MFN1: variants seen among roughly 807,000 people sequenced by gnomAD.
MFN1 encodes the protein mitofusin-1.
Under a neutral mutation model 92.4 loss-of-function variants are expected in MFN1, and 65 were observed. The observed-to-expected ratio is 0.70, with a 90% CI of 0.58 to 0.86. The LOEUF is 0.86. MFN1 is among the 40% of genes least tolerant of loss of function. The pLI, the probability that MFN1 is intolerant of heterozygous loss-of-function variation, is 0.00. For missense variants in MFN1, 781 were observed against 868.0 expected (o/e 0.90, Z 1.26); for synonymous variants, 297 against 300.9 (o/e 0.99, Z 0.13).
In MFN1 at chr3:179,392,716, TTA is replaced by T. The variant is rs1713955771; in HGVS notation, c.*659_*660del. ...AGAAACATTTTCAGCTTTGCTCCCATTATGATTCCAATAAGGAACGCTTTCCT... is the reference window on the plus strand; with the variant it reads ...AGAAACATTTTCAGCTTTGCTCCCATTGATTCCAATAAGGAACGCTTTCCT... On this transcript the variant is annotated 3_prime_UTR_variant, in exon 18 of 18. Transcript: ENST00000471841. 1 of 152,236 alleles carries T rather than the reference TTA, an allele frequency of 6.6e-6. No homozygotes were observed. Among genetic ancestry groups the T allele is most frequent in the African/African-American group, 2.4e-5 (1 of 41,476 alleles). The allele number at this position is 152,236 out of a possible 1,614,324, so 9.4% of individuals were successfully genotyped here.
rs9884070 is a variant in MFN1, at chr3:179,394,073, C to G, written c.*2014C>G. The G allele has an allele frequency of 0.032, 4,863 of 152,308 alleles. 256 individuals are homozygous for G. The highest frequency in any genetic ancestry group is 0.1 in the African/African-American group (4,346 of 41,528). The allele number at this position is 152,308 out of a possible 1,614,324, so 9.4% of individuals were successfully genotyped here. A position where few individuals can be genotyped will look rare whatever the true frequency, so the allele number is the denominator to read the frequency against. On this transcript the variant is annotated 3_prime_UTR_variant, in exon 18 of 18. Transcript: ENST00000471841. ...ATGTTGTGCAGGCTGGTCTTGAACT[C>G]ACAGACTCAAGTGATCCTTTTACCT...
intron 16 of MFN1, among the ~76,000 whole-genome samples, chr3:179,388,563 G>C (rs900541242): frequency 8.5e-5 from 13 of 152,134 alleles, no homozygotes; most frequent in Non-Finnish European, 1.9e-4. Context: ...TTGAGTTCAA[G>C]ATAACTTCAG....
intron 12 of MFN1, among the ~76,000 whole-genome samples, chr3:179,377,678 A>G (rs536598094): frequency 6.6e-6 from 1 of 152,324 alleles, no homozygotes; most frequent in Admixed American, 6.5e-5. Context: ...TCATGCCTGT[A>G]ATCTCAACAC....
chr3:179,351,151 C>T (rs748597939), intron 2 of MFN1, among the ~76,000 whole-genome samples: 6 of 152,150 alleles, frequency 3.9e-5, no homozygotes, highest in Non-Finnish European at 7.3e-5. Flanking sequence ...AGAATGTAAA[C>T]ATCAGGTTAT....
rs1712846316 is a variant in MFN1 at position 179,367,575 on chromosome 3, A to G, written c.890A>G (p.Gln297Arg). 1.9e-6 allele frequency: 3 copies of G among 1,610,116 alleles called. No homozygotes were observed. The highest frequency in any genetic ancestry group is 1.7e-5 in the Admixed American group (1 of 58,866). ...EVLSARKQKA[Q>R]GMPESGVALA... ...CTTAGTGCTAGAAAGCAAAAAGCAC[A>G]GGGGATGCCAGAAAGTGGTATGCAT... Residue 297 changes from glutamine to arginine, a missense_variant, in exon 8 of 18, where the codon CAG (glutamine) becomes CGG (arginine). By Grantham distance (43) the Gln-to-Arg change is conservative. Coordinates refer to ENST00000471841, the MANE Select transcript of MFN1 (RefSeq NM_033540.3).
intron 7 of MFN1, among the ~76,000 whole-genome samples, chr3:179,366,928 A>G (rs537685475): frequency 9.5e-4 from 144 of 152,012 alleles, no homozygotes; most frequent in Non-Finnish European, 1.9e-3. Flanking sequence ...TAACTCCCCA[A>G]CCTTAACTTT....
chr3:179,367,983 A>G, intron 8 of MFN1, 53 bp from the exon 9 acceptor site: 1 of 1,209,518 alleles, frequency 8.3e-7, no homozygotes, highest in Non-Finnish European at 1.1e-6. Context: ...AGCCTACCAG[A>G]AAACATATCT....
intron 8 of MFN1, 132 bp from the exon 9 acceptor site, chr3:179,367,904 A>G (rs920106955): frequency 4.4e-6 from 2 of 455,272 alleles, no homozygotes; most frequent in Non-Finnish European, 3.2e-6. Context: ...GCTCTGGGCA[A>G]CAGAGCAAGA....
At chr3:179,380,958 T>C (rs1290333580) in intron 14 of MFN1, among the ~76,000 whole-genome samples, 1 of 152,188 alleles carries the variant, frequency 6.6e-6, no homozygotes, top group Non-Finnish European at 1.5e-5. Context: ...CAAAAAATAA[T>C]ATCTTCAGAG....
At chr3:179,387,174 C>G (rs1048852068) in intron 16 of MFN1, among the ~76,000 whole-genome samples, 12 of 152,082 alleles carry the variant, frequency 7.9e-5, no homozygotes, top group African/African-American at 2.4e-4. Context: ...CCTCCCTCCT[C>G]AAGCCTCCTG....
chr3:179,349,877 C>T lies in MFN1; in HGVS notation c.112+914C>T, dbSNP rs369026100. On this transcript the variant is annotated intron_variant, in intron 2 of 17. Coordinates refer to ENST00000471841, the MANE Select transcript of MFN1 (RefSeq NM_033540.3). ...TAAGATTATGTACCTCTCGGCCAGG[C>T]GCCCTGACTCACACCTGTAATCCCA... 4.7e-4 allele frequency among the ~76,000 whole-genome samples: 72 copies of T among 152,090 alleles called. 1 individual carries two copies. Among genetic ancestry groups the T allele is most frequent in the African/African-American group, 1.4e-3 (58 of 41,496 alleles).
At chr3:179,381,714 T>G (rs1713473654) in intron 14 of MFN1, among the ~76,000 whole-genome samples, 1 of 152,234 alleles carries the variant, frequency 6.6e-6, no homozygotes, top group African/African-American at 2.4e-5. Flanking sequence ...ACACAACCTT[T>G]GTTTCATGCA....
chr3:179,355,008 C>A (rs1404807870), intron 3 of MFN1, among the ~76,000 whole-genome samples: 2 of 151,990 alleles, frequency 1.3e-5, no homozygotes, highest in African/African-American at 4.8e-5. Flanking sequence ...TGTTGGCCAG[C>A]CTGGTCTCGA....
intron 16 of MFN1, among the ~76,000 whole-genome samples, chr3:179,388,427 G>A (rs552303515): frequency 2.6e-5 from 4 of 151,938 alleles, no homozygotes; most frequent in African/African-American, 9.7e-5. Flanking sequence ...AAGTCCACCC[G>A]GTTTCTGCTT....
chr3:179,360,780 A>G (rs1161137207), intron 4 of MFN1, among the ~76,000 whole-genome samples: 1 of 152,130 alleles, frequency 6.6e-6, no homozygotes, highest in African/African-American at 2.4e-5. Context: ...AAATCAGGTA[A>G]CTCAATCTGT....
intron 16 of MFN1, 68 bp downstream of exon 16, chr3:179,386,697 C>A: frequency 2.2e-6 from 3 of 1,389,388 alleles, no homozygotes; most frequent in East Asian, 2.3e-5. Context: ...GCAGAAAAAG[C>A]ACAAAATAAG....
Position 179,386,615 on chromosome 3 carries a change from T to C in MFN1, c.1998T>C (p.Ser666=). ...TTAGCTCCACGAGTGCAAACTGCAG[T>C]CACCAAGTAAAACAGTAAGTTGGAA... ...MIVSSTSANC[S]HQVKQQIATT... The change falls in exon 16 of 18, where the codon AGT becomes AGC. Residue 666 remains serine, a synonymous_variant. Coordinates refer to ENST00000471841, the MANE Select transcript of MFN1 (RefSeq NM_033540.3). The C allele has an allele frequency of 6.2e-7, 1 of 1,609,294 alleles. No individual in the cohort carries two copies. The highest frequency in any genetic ancestry group is 8.5e-7 in the Non-Finnish European group (1 of 1,178,250).
Position 179,392,268 on chromosome 3 carries a change from A to G in MFN1, c.*209A>G. On this transcript the variant is annotated 3_prime_UTR_variant, in exon 18 of 18. Coordinates refer to ENST00000471841, the MANE Select transcript of MFN1 (RefSeq NM_033540.3). ...CCTTAGTTTTAATTTTGAGTAAAGA[A>G]AAGGCTAAAATCATGAATTAGTTAC... is the stretch of plus-strand genomic sequence containing the variant. 1 of 385,450 alleles carries G rather than the reference A, an allele frequency of 2.6e-6. No individual in the cohort carries two copies. The highest frequency in any genetic ancestry group is 8.3e-5 in the South Asian group (1 of 12,002). The allele number at this position is 385,450 out of a possible 1,614,324, so 23.9% of individuals were successfully genotyped here.
In MFN1 at chr3:179,367,433, C is replaced by G. The variant is rs755595168; in HGVS notation, c.754-6C>G. 6.3e-7 allele frequency: 1 copy of G among 1,596,174 alleles called. No homozygotes were observed. Among genetic ancestry groups the G allele is most frequent in the South Asian group, 1.1e-5 (1 of 88,808 alleles). On this transcript the variant is annotated splice_polypyrimidine_tract_variant and splice_region_variant and intron_variant, in intron 7 of 17. Coordinates refer to ENST00000471841, the MANE Select transcript of MFN1 (RefSeq NM_033540.3). ...TAGAATTCTTTTAATACCGTTTTCTCTGTAGGTACGCAGACAGCACATGGA... is the reference window on the plus strand; with the variant it reads ...TAGAATTCTTTTAATACCGTTTTCTGTGTAGGTACGCAGACAGCACATGGA...
Sources: gnomAD v4.1 joint callset for allele counts (sites outside exome capture counted in the v4.1 genomes callset) on GRCh38, gnomAD v4.1.1 for gene constraint, MANE v1.5 for transcripts, NCBI Gene and HGNC (gene_info 2026-07-23, HGNC 2026-07-21) for gene names.